The following PTPRJ variants were observed in gnomAD, a reference collection of about 807,000 sequenced individuals.
PTPRJ encodes protein tyrosine phosphatase receptor type J, also known as receptor-type tyrosine-protein phosphatase eta.
PTPRJ carries 129 observed loss-of-function variants against 141.3 expected under a neutral mutation model. The observed-to-expected ratio is 0.91, with a 90% CI of 0.79 to 1.06. The LOEUF is 1.06. PTPRJ is among the 50% of genes least tolerant of loss of function. PTPRJ has a pLI of 0.00. For synonymous variants in PTPRJ, 610 were observed against 640.5 expected, an observed-to-expected ratio of 0.95 and a Z score of 0.72; for missense variants, 1,601 against 1,679.7, an observed-to-expected ratio of 0.95 and a Z score of 0.82.
chr11:48,148,705 G>A (rs1455635918), intron 15 of PTPRJ, among the ~76,000 whole-genome samples: 1 of 152,158 alleles, frequency 6.6e-6, no homozygotes, highest in African/African-American at 2.4e-5. Flanking sequence ...AAAGTGCTGG[G>A]ATTACAGGCA....
chr11:47,996,149 C>A (rs1427875476), intron 1 of PTPRJ, among the ~76,000 whole-genome samples: 1 of 151,004 alleles, frequency 6.6e-6, no homozygotes, highest in African/African-American at 2.4e-5. Flanking sequence ...CTGGCTAACA[C>A]GGTGAAACCC....
intron 3 of PTPRJ, among the ~76,000 whole-genome samples, chr11:48,120,616 T>C (rs981541421): frequency 6.6e-6 from 1 of 152,112 alleles, no homozygotes; most frequent in African/African-American, 2.4e-5. Context: ...TTTTTGTTTT[T>C]TTAGTAGAGG....
intron 8 of PTPRJ, chr11:48,131,969 G>T: frequency 4.9e-6 from 1 of 204,448 alleles, no homozygotes; most frequent in Non-Finnish European, 8.7e-6. Context: ...ATATGCTGTG[G>T]ATTCTTACAT....
intron 8 of PTPRJ, among the ~76,000 whole-genome samples, chr11:48,133,327 A>G (rs935223430): frequency 6.6e-6 from 1 of 152,112 alleles, no homozygotes; most frequent in Admixed American, 6.5e-5. Context: ...CTCTTTTACT[A>G]TAGTTTATTG....
chr11:48,123,090 T>C (rs1590529810), intron 4 of PTPRJ, among the ~76,000 whole-genome samples: 1 of 152,230 alleles, frequency 6.6e-6, no homozygotes, highest in Non-Finnish European at 1.5e-5. Context: ...CAGGATATAG[T>C]GGAGATGGAA....
At chr11:48,161,886 T>C (rs1857790291) in intron 22 of PTPRJ, among the ~76,000 whole-genome samples, 1 of 152,194 alleles carries the variant, frequency 6.6e-6, no homozygotes, top group South Asian at 2.1e-4. Flanking sequence ...GTGTTAGGAT[T>C]ACAGGTGGGA....
Position 48,167,986 on chromosome 11 carries a change from A to G in PTPRJ, c.*624A>G, listed in dbSNP as rs1378923431. The G allele has an allele frequency of 1.3e-5, 2 of 152,226 alleles. No homozygotes were observed. Among genetic ancestry groups the G allele is most frequent in the Non-Finnish European group, 2.9e-5 (2 of 68,064 alleles). The allele number at this position is 152,226 out of a possible 1,614,324, so 9.4% of individuals were successfully genotyped here. A position where few individuals can be genotyped will look rare whatever the true frequency, so the allele number is the denominator to read the frequency against. On this transcript the variant is annotated 3_prime_UTR_variant, in exon 25 of 25. Transcript: ENST00000418331. ...CGGAATATTTAAACAGTAGCTTAGC[A>G]TCAGAGGTTTGCTTCCTCAGTAACA...
chr11:48,163,177 A>G (rs891014120), intron 22 of PTPRJ, among the ~76,000 whole-genome samples: 5 of 152,112 alleles, frequency 3.3e-5, no homozygotes, highest in African/African-American at 1.2e-4. Flanking sequence ...TTGGAGGATG[A>G]GGGACTTCTG....
At chr11:48,163,419 C>A in intron 22 of PTPRJ, 39 bp from the exon 23 acceptor site, 1 of 1,596,834 alleles carries the variant, frequency 6.3e-7, no homozygotes. Flanking sequence ...TGTTAGGCAG[C>A]CTTTCTGTCT....
At chr11:48,126,144 C>T (rs754241881) in intron 6 of PTPRJ, among the ~76,000 whole-genome samples, 16 of 152,116 alleles carry the variant, frequency 1.1e-4, no homozygotes, top group South Asian at 2.1e-4. Context: ...GTGTGCCCTG[C>T]GTCAAGCCAT....
chr11:48,153,585 G>A (rs1857534682), intron 18 of PTPRJ, among the ~76,000 whole-genome samples: 1 of 146,766 alleles, frequency 6.8e-6, no homozygotes, highest in Admixed American at 6.8e-5. Flanking sequence ...TCAGTTCTTT[G>A]TTACTCCCTG....
chr11:48,139,508 C>G lies in PTPRJ; in HGVS notation c.2175C>G (p.Phe725Leu), dbSNP rs770495585. ...FCTDPASMAS[F>L]DCEVVPKEPA... ...CAGATCCTGCGTCCATGGCCTCCTT[C>G]GACTGCGAAGTGGTCCCCAAAGAGC... Residue 725 changes from phenylalanine to leucine, a missense_variant, in exon 11 of 25, where the codon TTC becomes TTG. Phe to Leu is a conservative substitution (Grantham distance 22). Coordinates refer to ENST00000418331, the MANE Select transcript of PTPRJ (RefSeq NM_002843.4). 5 of 1,613,888 alleles carry G rather than the reference C, an allele frequency of 3.1e-6. No individual in the cohort carries two copies. The Admixed American group carries it at 6.7e-5, about 22-fold the overall frequency.
chr11:48,024,542 T>C (rs1231652113), intron 1 of PTPRJ, among the ~76,000 whole-genome samples: 1 of 152,182 alleles, frequency 6.6e-6, no homozygotes, highest in Non-Finnish European at 1.5e-5. Flanking sequence ...CCTTTTCTTT[T>C]CTATCTCTCT....
chr11:48,068,112 A>G lies in PTPRJ; in HGVS notation c.97-41946A>G, dbSNP rs143832458. 3.8e-3 allele frequency among the ~76,000 whole-genome samples: 580 copies of G among 152,336 alleles called. 4 individuals carry two copies. The highest frequency in any genetic ancestry group is 0.013 in the African/African-American group (550 of 41,578). ...CTTTTATTCCTCATTTGGAGAGGCA[A>G]CAGGGCTGAGATAGACATGTTAGCG... On this transcript the variant is annotated intron_variant, in intron 1 of 24. Transcript: ENST00000418331.
At chr11:48,126,789 CA>C (rs1856843460) in intron 6 of PTPRJ, among the ~76,000 whole-genome samples, 3 of 95,278 alleles carry the variant, frequency 3.1e-5, no homozygotes, top group African/African-American at 1.8e-4. Context: ...CACACACACA[CA>C]CACACACACA....
intron 1 of PTPRJ, among the ~76,000 whole-genome samples, chr11:48,049,566 A>AAAACAAAAC (rs927975790): frequency 1.4e-5 from 2 of 144,032 alleles, no homozygotes; most frequent in African/African-American, 5.6e-5. Context: ...AAAACAAAAC[A>AAAACAAAAC]AGTCGGGTGT....
chr11:48,136,179 A>G lies in PTPRJ; in HGVS notation c.1756A>G (p.Thr586Ala). Residue 586 changes from threonine to alanine, a missense_variant, in exon 9 of 25, where the codon ACG (threonine) becomes GCG (alanine). Thr to Ala is a moderately conservative substitution (Grantham distance 58). Coordinates refer to ENST00000418331, the MANE Select transcript of PTPRJ (RefSeq NM_002843.4). ...CAAGCATGGCTCTAACCACACAAGC[A>G]CGTATGACAAAGCGATTACTCTCCA... The part of the protein sequence containing the change: ...ESKHGSNHTS[T>A]YDKAITLQGL... The G allele has an allele frequency of 1.9e-6, 3 of 1,614,218 alleles. No individual in the cohort carries two copies. The highest frequency in any genetic ancestry group is 2.5e-6 in the Non-Finnish European group (3 of 1,180,048).
At chr11:48,014,443 T>G (rs1224195512) in intron 1 of PTPRJ, 2 of 152,210 alleles carry the variant, frequency 1.3e-5, no homozygotes, top group African/African-American at 2.4e-5. Flanking sequence ...GAGACTAATG[T>G]TTTTAGGAAC....
intron 1 of PTPRJ, among the ~76,000 whole-genome samples, chr11:48,088,615 C>T (rs1413553286): frequency 6.6e-6 from 1 of 152,174 alleles, no homozygotes; most frequent in Non-Finnish European, 1.5e-5. Flanking sequence ...AGTGGGCCTT[C>T]TATGGGCCCT....
Sources: gnomAD v4.1 joint callset for allele counts (sites outside exome capture counted in the v4.1 genomes callset) on GRCh38, gnomAD v4.1.1 for gene constraint, MANE v1.5 for transcripts, NCBI Gene and HGNC (gene_info 2026-07-23, HGNC 2026-07-21) for gene names.